The following IMMP2L variants were observed in gnomAD, a reference collection of about 807,000 sequenced individuals.
IMMP2L encodes inner mitochondrial membrane peptidase subunit 2.
A neutral mutation model predicts 19.3 loss-of-function variants in IMMP2L; 18 were observed. The observed-to-expected ratio is 0.93, with a 90% CI of 0.64 to 1.38. The LOEUF (loss-of-function observed/expected upper bound fraction) is 1.38, where lower values mean the gene tolerates loss of function less well. IMMP2L is among the 40% of genes most tolerant of loss of function. IMMP2L has a pLI of 0.00. For synonymous variants in IMMP2L, 76 were observed against 73.0 expected (o/e 1.04, Z -0.21); for missense variants, 233 against 218.2 (o/e 1.07, Z -0.43).
chr7:111,017,386 C>A (rs1007216786), intron 3 of IMMP2L, among the ~76,000 whole-genome samples: 1 of 151,904 alleles, frequency 6.6e-6, no homozygotes, highest in African/African-American at 2.4e-5. Context: ...ACTCCATGGT[C>A]ATTACTTACT....
chr7:111,296,320 C>A (rs1233525970), intron 3 of IMMP2L, among the ~76,000 whole-genome samples: 1 of 151,622 alleles, frequency 6.6e-6, no homozygotes. Context: ...AGTGAAATAC[C>A]AATACATGAA....
At chr7:110,866,426 G>A (rs1322429262) in intron 5 of IMMP2L, among the ~76,000 whole-genome samples, 1 of 151,644 alleles carries the variant, frequency 6.6e-6, no homozygotes, top group Non-Finnish European at 1.5e-5. Flanking sequence ...ACAGAGATCA[G>A]AGAGGACAGG....
chr7:110,859,274 A>AT (rs1470951096), intron 5 of IMMP2L, among the ~76,000 whole-genome samples: 1 of 151,912 alleles, frequency 6.6e-6, no homozygotes, highest in East Asian at 1.9e-4. Flanking sequence ...TTTCAGAAGT[A>AT]TTTTTTCAGT....
chr7:110,886,667 T>C lies in IMMP2L; in HGVS notation c.334A>G (p.Lys112Glu). The C allele has an allele frequency of 6.2e-7, 1 of 1,602,738 alleles. No homozygotes were observed. The highest frequency in any genetic ancestry group is 1.3e-5 in the African/African-American group (1 of 74,726). Residue 112 changes from lysine to glutamate, a missense_variant, in exon 5 of 6, where the codon AAA becomes GAA. Physicochemically the swap from Lys to Glu is moderately conservative, Grantham distance 56. Transcript: ENST00000405709. Reference sequence around the variant, plus strand: ...ACCCAGATGTGACCACGGGGGACTTTGACATACCGGTTTTTGTGTCCTATG... The same window carrying C: ...ACCCAGATGTGACCACGGGGGACTTCGACATACCGGTTTTTGTGTCCTATG... ...RTIGHKNRYVKVPRGHIWVEG... is the reference protein window; with the variant it reads ...RTIGHKNRYVEVPRGHIWVEG...
At chr7:111,235,102 T>A (rs1814139959) in intron 3 of IMMP2L, among the ~76,000 whole-genome samples, 1 of 152,138 alleles carries the variant, frequency 6.6e-6, no homozygotes, top group East Asian at 1.9e-4. Flanking sequence ...AGTGACTAAT[T>A]TTTTCATCTT....
At chr7:111,473,595 A>G (rs1359549514) in intron 3 of IMMP2L, among the ~76,000 whole-genome samples, 2 of 152,164 alleles carry the variant, frequency 1.3e-5, no homozygotes, top group Non-Finnish European at 2.9e-5. Context: ...ACTGAATGAC[A>G]TTGTTGGTGT....
chr7:111,228,921 A>G (rs1813401187), intron 3 of IMMP2L, among the ~76,000 whole-genome samples: 1 of 151,882 alleles, frequency 6.6e-6, no homozygotes, highest in African/African-American at 2.4e-5. Context: ...AAGAAGTAAC[A>G]GTTAAACATG....
intron 4 of IMMP2L, among the ~76,000 whole-genome samples, chr7:110,895,385 T>C (rs1344573348): frequency 1.3e-5 from 2 of 152,154 alleles, no homozygotes; most frequent in African/African-American, 4.8e-5. Context: ...TCTATTTTGT[T>C]CCATTGATGT....
chr7:110,844,042 A>T (rs529738953), intron 5 of IMMP2L, among the ~76,000 whole-genome samples: 1 of 152,282 alleles, frequency 6.6e-6, no homozygotes, highest in African/African-American at 2.4e-5. Flanking sequence ...ATTCGAGCAG[A>T]AGAGTGACAT....
intron 4 of IMMP2L, among the ~76,000 whole-genome samples, chr7:110,903,992 T>TC (rs1431603701): frequency 6.8e-6 from 1 of 147,854 alleles, no homozygotes; most frequent in Non-Finnish European, 1.5e-5. Flanking sequence ...ATTTTTTTTT[T>TC]CATGTAAGCG....
intron 3 of IMMP2L, among the ~76,000 whole-genome samples, chr7:111,339,813 T>C (rs998234758): frequency 8.6e-5 from 13 of 152,030 alleles, no homozygotes; most frequent in African/African-American, 3.1e-4. Flanking sequence ...TTCTGTAATA[T>C]ATCAAAATAC....
rs536664894 is a variant in IMMP2L at position 111,445,756 on chromosome 7, C to T, written c.239+41482G>A. On this transcript the variant is annotated intron_variant, in intron 3 of 5. Transcript: ENST00000405709. ...GGTCTACAGCTCCCAGCGTGAGTGACGCAGAAGACGGGTGATTTCTGCATT... is the reference window on the plus strand; with the variant it reads ...GGTCTACAGCTCCCAGCGTGAGTGATGCAGAAGACGGGTGATTTCTGCATT... Among the ~76,000 whole-genome samples, 698 of 152,234 alleles carry T rather than the reference C, an allele frequency of 4.6e-3. 5 individuals carry two copies. Among genetic ancestry groups the T allele is most frequent in the Non-Finnish European group, 6.1e-3 (416 of 68,008 alleles).
At chr7:110,836,389 G>A (rs1487095464) in intron 5 of IMMP2L, among the ~76,000 whole-genome samples, 1 of 152,170 alleles carries the variant, frequency 6.6e-6, no homozygotes, top group Non-Finnish European at 1.5e-5. Flanking sequence ...CCAGTAGGAG[G>A]TAATTGAATG....
chr7:110,903,112 A>G lies in IMMP2L; in HGVS notation c.306-16417T>C, dbSNP rs578015210. 1.1e-4 allele frequency among the ~76,000 whole-genome samples: 16 copies of G among 152,286 alleles called. No individual in the cohort carries two copies. In the East Asian group the frequency reaches 2.9e-3, roughly 28 times the overall value. The stretch of plus-strand genomic sequence containing the variant: ...AGCGACTGATGAAAGCCATTCTTCA[A>G]TAAATTCAATACAATTAGGTTCCCC... On this transcript the variant is annotated intron_variant, in intron 4 of 5. Coordinates refer to ENST00000405709, the MANE Select transcript of IMMP2L (RefSeq NM_032549.4).
chr7:111,112,255 C>T (rs1156842082), intron 3 of IMMP2L, among the ~76,000 whole-genome samples: 1 of 152,106 alleles, frequency 6.6e-6, no homozygotes, highest in East Asian at 1.9e-4. Context: ...TGAGCCACCA[C>T]TCCTGGCCCT....
chr7:111,289,341 C>A (rs956455323), intron 3 of IMMP2L, among the ~76,000 whole-genome samples: 1 of 150,944 alleles, frequency 6.6e-6, no homozygotes, highest in African/African-American at 2.4e-5. Flanking sequence ...ATGTGTGCAA[C>A]AAACCACCAT....
chr7:111,067,774 T>C (rs189701210), intron 3 of IMMP2L, among the ~76,000 whole-genome samples: 9 of 152,288 alleles, frequency 5.9e-5, no homozygotes. Flanking sequence ...AAACCCAAGT[T>C]TGTCTAATGG....
chr7:111,181,770 G>A (rs751435151), intron 3 of IMMP2L, among the ~76,000 whole-genome samples: 1 of 151,812 alleles, frequency 6.6e-6, no homozygotes, highest in African/African-American at 2.4e-5. Flanking sequence ...TATTTTCAAC[G>A]GCATGATAAA....
intron 3 of IMMP2L, among the ~76,000 whole-genome samples, chr7:111,351,800 T>C (rs1025389812): frequency 3.2e-4 from 49 of 152,206 alleles, no homozygotes; most frequent in African/African-American, 9.6e-4. Flanking sequence ...CATCTCAATT[T>C]CATAAATGTT....
Sources: gnomAD v4.1 joint callset for allele counts (sites outside exome capture counted in the v4.1 genomes callset) on GRCh38, gnomAD v4.1.1 for gene constraint, MANE v1.5 for transcripts, NCBI Gene and HGNC (gene_info 2026-07-23, HGNC 2026-07-21) for gene names.